Variants in WDR20 observed in about 807,000 individuals in gnomAD.
WDR20 encodes WD repeat domain 20, also known as WD repeat-containing protein 20.
WDR20 carries 3 observed loss-of-function variants against 38.7 expected under a neutral mutation model. The ratio of observed to expected loss-of-function variants is 0.08; its 90% CI spans 0.04 to 0.20. The LOEUF is 0.20. Among genes scored for constraint, WDR20 ranks in the 10% least tolerant of loss-of-function variants. The probability of loss-of-function intolerance (pLI) is 1.00; values close to 1 mark genes in which losing one functional copy is unlikely to be tolerated. For synonymous variants in WDR20, 298 were observed against 285.6 expected, an observed-to-expected ratio of 1.04 and a Z score of -0.44; for missense variants, 559 against 727.7, an observed-to-expected ratio of 0.77 and a Z score of 2.67.
chr14:102,209,153 G>T lies in WDR20; in HGVS notation c.983G>T (p.Ser328Ile), dbSNP rs754673182. Residue 328 changes from serine (S) to isoleucine (I), a missense_variant, in exon 3 of 3, where the codon AGT (serine) becomes ATT (isoleucine). Transcript: ENST00000342702. The surrounding 1 kb of genome is among the most constrained non-coding windows in gnomAD (Gnocchi z 6.0). ...GAAGAAGGTGACCCTATGGAGTTTAGTGGCAGCGATGAGGACTTCCAAGAC... is the reference window on the plus strand; with the variant it reads ...GAAGAAGGTGACCCTATGGAGTTTATTGGCAGCGATGAGGACTTCCAAGAC... ...SVEEGDPMEFSGSDEDFQDLL... is the reference protein window; with the variant it reads ...SVEEGDPMEFIGSDEDFQDLL... 3.1e-5 allele frequency: 50 copies of T among 1,613,806 alleles called. No homozygotes were observed. The highest frequency in any genetic ancestry group is 3.8e-5 in the Non-Finnish European group (45 of 1,179,954).
intron 1 of WDR20, among the ~76,000 whole-genome samples, chr14:102,160,435 A>G (rs987024565): frequency 1.3e-5 from 2 of 152,108 alleles, no homozygotes; most frequent in Non-Finnish European, 1.5e-5. Context: ...GAATAAGACA[A>G]CATTTGAGCA....
intron 2 of WDR20, chr14:102,197,723 A>C (rs45467792): frequency 0.049 from 33,634 of 692,310 alleles, 1,020 homozygotes; most frequent in Non-Finnish European, 0.063. Flanking sequence ...CTTTTAATGA[A>C]GGGAGTGACA....
At chr14:102,167,111 A>G (rs1596154685) in intron 1 of WDR20, among the ~76,000 whole-genome samples, 2 of 152,074 alleles carry the variant, frequency 1.3e-5, no homozygotes, top group East Asian at 3.9e-4. Context: ...CCCCTTGCCT[A>G]CCTTATCAGT....
chr14:102,197,900 G>A, intron 2 of WDR20: 1 of 680,432 alleles, frequency 1.5e-6, no homozygotes, highest in Non-Finnish European at 2.7e-6. Flanking sequence ...ATTCATTCAG[G>A]ACCTTGACTA....
chr14:102,143,870 C>T (rs2052494428), intron 1 of WDR20, among the ~76,000 whole-genome samples: 2 of 151,292 alleles, frequency 1.3e-5, no homozygotes, highest in African/African-American at 4.9e-5. Context: ...ATACTTTGTT[C>T]TCCTTTTTTA....
intron 1 of WDR20, among the ~76,000 whole-genome samples, chr14:102,161,142 A>ATATATATATATATATTTT (rs1342924049): frequency 5.0e-4 from 8 of 16,048 alleles, no homozygotes; most frequent in Admixed American, 2.4e-3. Context: ...ATATATATAT[A>ATATATATATATATATTTT]TTTTTTTTTT....
At chr14:102,153,968 T>C (rs983183859) in intron 1 of WDR20, among the ~76,000 whole-genome samples, 1 of 152,214 alleles carries the variant, frequency 6.6e-6, no homozygotes, top group Non-Finnish European at 1.5e-5. Flanking sequence ...GGAGGATTGC[T>C]TGAGGCCCAG....
At chr14:102,193,400 C>A in intron 1 of WDR20, 1 of 1,541,894 alleles carries the variant, frequency 6.5e-7, no homozygotes, top group Non-Finnish European at 8.9e-7. Flanking sequence ...TGTTTTGTAT[C>A]ATGCTTTGTA....
At chr14:102,176,116 T>C (rs1307671) in intron 1 of WDR20, among the ~76,000 whole-genome samples, 130,975 of 152,238 alleles carry the variant, frequency 0.86, 56,400 homozygotes, top group East Asian at 1. Context: ...AAGTCAGGGC[T>C]GGAAACGGTG....
chr14:102,224,256 G>T (rs543243097), downstream of WDR20, among the ~76,000 whole-genome samples: 1 of 151,910 alleles, frequency 6.6e-6, no homozygotes, highest in East Asian at 1.9e-4. Flanking sequence ...TAGCCAGGAT[G>T]GTCTCGATCT....
intron 1 of WDR20, among the ~76,000 whole-genome samples, chr14:102,158,690 G>T (rs749077778): frequency 2.6e-5 from 4 of 152,000 alleles, no homozygotes; most frequent in Non-Finnish European, 5.9e-5. Flanking sequence ...ATTTCACTTA[G>T]AACAATTAAA....
upstream of WDR20, chr14:102,139,631 A>C (rs572151114): frequency 1.1e-5 from 7 of 643,110 alleles, no homozygotes; most frequent in African/African-American, 1.8e-5. Flanking sequence ...ACTAGACCCC[A>C]CTAGCTGAAG....
At chr14:102,202,986 C>G (rs1378749305) in intron 2 of WDR20, among the ~76,000 whole-genome samples, 1 of 152,226 alleles carries the variant, frequency 6.6e-6, no homozygotes, top group Non-Finnish European at 1.5e-5. Context: ...TTCCATCTTG[C>G]CCTCCACCCA....
chr14:102,164,552 T>G (rs998431992), intron 1 of WDR20, among the ~76,000 whole-genome samples: 4 of 152,204 alleles, frequency 2.6e-5, no homozygotes, highest in African/African-American at 9.7e-5. Flanking sequence ...CTCTAATTTC[T>G]CCAGGATACT....
At chr14:102,213,558 G>A, downstream of WDR20, 1 of 985,468 alleles carries the variant, frequency 1.0e-6, no homozygotes, top group Non-Finnish European at 1.2e-6. Context: ...AGGAAGAAAT[G>A]CAGTGACAGG....
intron 1 of WDR20, among the ~76,000 whole-genome samples, chr14:102,146,387 A>G (rs894701520): frequency 4.6e-5 from 7 of 150,830 alleles, no homozygotes; most frequent in African/African-American, 1.7e-4. Context: ...CTGGTCTTGA[A>G]CTCCTGACCT....
At chr14:102,143,862 AC>A (rs1249429711) in intron 1 of WDR20, among the ~76,000 whole-genome samples, 1 of 151,380 alleles carries the variant, frequency 6.6e-6, no homozygotes, top group Admixed American at 6.6e-5. Context: ...TTTATTACAT[AC>A]TTTGTTCTCC....
intron 2 of WDR20, among the ~76,000 whole-genome samples, chr14:102,197,486 G>A (rs890072315): frequency 2.0e-5 from 3 of 152,206 alleles, no homozygotes; most frequent in African/African-American, 7.2e-5. Flanking sequence ...GTCTTAAAGG[G>A]TACATAGTCA....
chr14:102,156,190 C>T (rs1231898201), intron 1 of WDR20, among the ~76,000 whole-genome samples: 3 of 145,794 alleles, frequency 2.1e-5, no homozygotes, highest in African/African-American at 5.1e-5. Flanking sequence ...TTTTTTGAGA[C>T]GGAGTCTTGG....
Sources: allele counts gnomAD v4.1 joint callset (sites outside exome capture counted in the v4.1 genomes callset), GRCh38; gene constraint gnomAD v4.1.1; non-coding constraint Gnocchi (gnomAD v3.1); transcripts MANE v1.5; gene names NCBI Gene and HGNC (gene_info 2026-07-23, HGNC 2026-07-21).